The following JPH4 variants were observed in gnomAD, a reference collection of about 807,000 sequenced individuals.
JPH4 encodes the protein junctophilin-4.
In JPH4, 18 loss-of-function variants were observed where a neutral mutation model predicts 57.6. The ratio of observed to expected loss-of-function variants is 0.31; its 90% CI spans 0.22 to 0.46. The LOEUF is 0.46. Ranked by LOEUF, JPH4 falls within the 20% of genes least tolerant of loss-of-function variation. The pLI is 1.00. For synonymous variants in JPH4, 425 were observed against 406.6 expected, an observed-to-expected ratio of 1.05 and a Z score of -0.54; for missense variants, 727 against 911.1, an observed-to-expected ratio of 0.80 and a Z score of 2.60.
intron 3 of JPH4, among the ~76,000 whole-genome samples, chr14:23,572,232 T>C (rs1444621878): frequency 6.6e-6 from 1 of 152,104 alleles, no homozygotes; most frequent in African/African-American, 2.4e-5. Flanking sequence ...CTCCTGGAAC[T>C]GTGTAATTCC....
Position 23,576,478 on chromosome 14 carries a change from G to A in JPH4, c.380-22C>T, listed in dbSNP as rs1009300636. On this transcript the variant is annotated intron_variant, in intron 2 of 5. Transcript: ENST00000356300. The surrounding 1 kb of genome is among the most constrained non-coding windows in gnomAD (Gnocchi z 8.0). ...GTGCCTGCGGGCGGCGGAGGGGTGG[G>A]AGAAAGAGTCAGGACGTGCCGCTGG... 1.2e-5 allele frequency: 17 copies of A among 1,392,724 alleles called. No individual in the cohort carries two copies. Among genetic ancestry groups the A allele is most frequent in the Admixed American group, 3.3e-5 (1 of 30,520 alleles). The allele number at this position is 1,392,724 out of a possible 1,614,324, so 86.3% of individuals were successfully genotyped here. A position where few individuals can be genotyped will look rare whatever the true frequency, so the allele number is the denominator to read the frequency against.
Position 23,577,367 on chromosome 14 carries a change from C to T in JPH4, c.87G>A (p.Val29=). Residue 29 remains valine (V), a synonymous_variant, in exon 2 of 6, where the codon GTG becomes GTA. Transcript: ENST00000356300. This position sits in a 1 kb window ranked among gnomAD's most constrained non-coding sequence, Gnocchi z 8.4. ...WEAGRAHGYG[V]CTGPGAQGEY... The stretch of plus-strand genomic sequence containing the variant: ...CGCCCTGGGCGCCGGGGCCCGTGCA[C>T]ACGCCGTAGCCATGTGCCCGCCCCG... 2 of 1,515,966 alleles carry T rather than the reference C, an allele frequency of 1.3e-6. No individual in the cohort carries two copies. The highest frequency in any genetic ancestry group is 1.4e-5 in the African/African-American group (1 of 70,918). 93.9% of individuals were successfully genotyped at this position (1,515,966 alleles called of 1,614,324 possible). A position where few individuals can be genotyped will look rare whatever the true frequency, so the allele number is the denominator to read the frequency against.
intron 3 of JPH4, chr14:23,574,927 A>G (rs572537206): frequency 6.1e-5 from 11 of 181,770 alleles, no homozygotes; most frequent in Non-Finnish European, 1.1e-4. Context: ...GTGTGCCACA[A>G]TGTCTGGCTT....
rs1156637886 is a variant in JPH4 at position 23,575,789 on chromosome 14, C to G, written c.1047G>C (p.Leu349=). 6.3e-7 allele frequency: 1 copy of G among 1,595,460 alleles called. No individual in the cohort carries two copies. Among genetic ancestry groups the G allele is most frequent in the Non-Finnish European group, 8.5e-7 (1 of 1,172,648 alleles). ...CCTTAACCTTGCCCCGCCGAAGGGC[C>G]AGAGGCAGGAGACTGCGGACGCGCC... ...HGGRVRSLLP[L]ALRRGKVKEK... Residue 349 remains leucine (L), a synonymous_variant, in exon 3 of 6, where the codon CTG becomes CTC. Transcript: ENST00000356300. The surrounding 1 kb of genome is among the most constrained non-coding windows in gnomAD (Gnocchi z 6.9).
chr14:23,575,824 C>A lies in JPH4; in HGVS notation c.1012G>T (p.Val338Leu), dbSNP rs746444957. The change falls in exon 3 of 6, where the codon GTG (valine) becomes TTG (leucine). Residue 338 changes from valine to leucine, a missense_variant. This residue lies in a region of JPH4 where 112 missense variants were observed against 199.4 expected (regional missense o/e 0.56). Coordinates refer to ENST00000356300, the MANE Select transcript of JPH4 (RefSeq NM_001146028.2). The surrounding 1 kb of genome is among the most constrained non-coding windows in gnomAD (Gnocchi z 6.9). ...EEGKYKRNRLVHGGRVRSLLP... is the reference protein window; with the variant it reads ...EEGKYKRNRLLHGGRVRSLLP... ...AGACTGCGGACGCGCCCGCCGTGCA[C>A]CAGCCGGTTGCGCTTGTACTTGCCC... 3.8e-6 allele frequency: 6 copies of A among 1,586,676 alleles called. No homozygotes were observed. The highest frequency in any genetic ancestry group is 3.4e-6 in the Non-Finnish European group (4 of 1,168,552).
Position 23,571,107 on chromosome 14 carries a change from G to A in JPH4, c.1624C>T (p.Leu542Phe), listed in dbSNP as rs752454509. 7 of 1,613,970 alleles carry A rather than the reference G, an allele frequency of 4.3e-6. No homozygotes were observed. In the African/African-American group the frequency reaches 9.3e-5, roughly 22 times the overall value. Residue 542 changes from leucine to phenylalanine, a missense_variant, in exon 5 of 6, where the codon CTT becomes TTT. By Grantham distance (22) the Leu-to-Phe change is conservative. Around this residue, in one of 7 missense-constraint regions of JPH4, gnomAD observed 293 missense variants for 279.8 expected, o/e 1.05. Coordinates refer to ENST00000356300, the MANE Select transcript of JPH4 (RefSeq NM_001146028.2). This position sits in a 1 kb window ranked among gnomAD's most constrained non-coding sequence, Gnocchi z 4.6. ...TCATCCTCCCCCTCCTCCTCTCGAAGACTTCCTGAACTGTCGCTGCAGCCT... is the reference window on the plus strand; with the variant it reads ...TCATCCTCCCCCTCCTCCTCTCGAAAACTTCCTGAACTGTCGCTGCAGCCT... ...LGGCSDSSGS[L>F]REEEGEDEEP...
In JPH4 at chr14:23,576,935, G is replaced by A; in HGVS notation, c.379+140C>T. The stretch of plus-strand genomic sequence containing the variant: ...CATGGTGGGAGAGAGCAGAAATTGG[G>A]GGCTGGGGGTCACATCGATGGGGAA... On this transcript the variant is annotated intron_variant, in intron 2 of 5. Transcript: ENST00000356300. This position sits in a 1 kb window ranked among gnomAD's most constrained non-coding sequence, Gnocchi z 8.0. 5.9e-6 allele frequency: 6 copies of A among 1,016,214 alleles called. No individual in the cohort carries two copies. 62.9% of individuals were successfully genotyped at this position (1,016,214 alleles called of 1,614,324 possible).
Position 23,576,223 on chromosome 14 carries a change from C to G in JPH4, c.613G>C (p.Gly205Arg). ...GGAGTGCGCTTTCGGGACGACGCGC[C>G]GTCGGCGTCCCCGGGCCCGGCCAGC... ...FVLAGPGDAD[G>R]ASSRKRTPAA... Residue 205 changes from glycine to arginine, a missense_variant, in exon 3 of 6, where the codon GGC becomes CGC. Gly to Arg is a moderately radical substitution (Grantham distance 125). Transcript: ENST00000356300. The surrounding 1 kb of genome is among the most constrained non-coding windows in gnomAD (Gnocchi z 8.0). The G allele has an allele frequency of 7.9e-7, 1 of 1,272,944 alleles. No individual in the cohort carries two copies. Among genetic ancestry groups the G allele is most frequent in the Non-Finnish European group, 9.9e-7 (1 of 1,011,108 alleles). The allele number at this position is 1,272,944 out of a possible 1,614,324, so 78.9% of individuals were successfully genotyped here. A position where few individuals can be genotyped will look rare whatever the true frequency, so the allele number is the denominator to read the frequency against.
Position 23,577,151 on chromosome 14 carries a change from C to T in JPH4, c.303G>A (p.Val101=). ...AGAGCCCGGCGTAGCGCAGGCCGGA[C>T]ACGCTTTCCCACACGCCGCTGCGCC... ...LKGRSGVWES[V]SGLRYAGLWK... Residue 101 remains valine (V), a synonymous_variant, in exon 2 of 6, where the codon GTG becomes GTA. Transcript: ENST00000356300. The surrounding 1 kb of genome is among the most constrained non-coding windows in gnomAD (Gnocchi z 8.4). 6.5e-7 allele frequency: 1 copy of T among 1,538,816 alleles called. No individual in the cohort carries two copies. The highest frequency in any genetic ancestry group is 8.7e-7 in the Non-Finnish European group (1 of 1,148,968).
At position 23,571,038 on chromosome 14, in the gene JPH4, C is replaced by T. The variant is rs1230500998; in HGVS notation, c.1693G>A (p.Glu565Lys). The change falls in exon 5 of 6, where the codon GAG becomes AAG. Residue 565 changes from glutamate to lysine, a missense_variant. Transcript: ENST00000356300. The surrounding 1 kb of genome is among the most constrained non-coding windows in gnomAD (Gnocchi z 4.6). ...PLRAPAGTEPEPIAMLVLRGS... is the reference protein window; with the variant it reads ...PLRAPAGTEPKPIAMLVLRGS... ...CTCAGGACCAGCATGGCGATGGGCTCAGGCTCCGTGCCTGCTGGGGCCCTC... is the reference window on the plus strand; with the variant it reads ...CTCAGGACCAGCATGGCGATGGGCTTAGGCTCCGTGCCTGCTGGGGCCCTC... 2.5e-6 allele frequency: 4 copies of T among 1,603,642 alleles called. No homozygotes were observed. Among genetic ancestry groups the T allele is most frequent in the Non-Finnish European group, 3.4e-6 (4 of 1,174,578 alleles).
Position 23,575,626 on chromosome 14 carries a change from T to C in JPH4, c.1151+59A>G. 1 of 1,549,400 alleles carries C rather than the reference T, an allele frequency of 6.5e-7. No homozygotes were observed. The highest frequency in any genetic ancestry group is 1.4e-5 in the African/African-American group (1 of 73,348). Reference sequence around the variant, plus strand: ...CCTCCCTTAGGCACACCCGCCTTCCTGGTCCCCAGCGCACCCCCTCCTCTT... The same window carrying C: ...CCTCCCTTAGGCACACCCGCCTTCCCGGTCCCCAGCGCACCCCCTCCTCTT... On this transcript the variant is annotated intron_variant, in intron 3 of 5. Transcript: ENST00000356300. The surrounding 1 kb of genome is among the most constrained non-coding windows in gnomAD (Gnocchi z 6.9).
At position 23,571,021 on chromosome 14, in the gene JPH4, C is replaced by G. The variant is rs779934759; in HGVS notation, c.1710G>C (p.Leu570=). Residue 570 remains leucine, a synonymous_variant, in exon 5 of 6, where the codon CTG becomes CTC. Coordinates refer to ENST00000356300, the MANE Select transcript of JPH4 (RefSeq NM_001146028.2). The surrounding 1 kb of genome is among the most constrained non-coding windows in gnomAD (Gnocchi z 4.6). ...AGTEPEPIAM[L]VLRGSSSRGP... ...CCCTCGAGGACGAGCCCCTCAGGAC[C>G]AGCATGGCGATGGGCTCAGGCTCCG... is the stretch of plus-strand genomic sequence containing the variant. The G allele has an allele frequency of 3.8e-6, 6 of 1,588,688 alleles. No homozygotes were observed. The South Asian group carries it at 6.9e-5, about 18-fold the overall frequency.
In JPH4 at chr14:23,568,041, T is replaced by C. The variant is rs1888838240; in HGVS notation, c.*1593A>G. On this transcript the variant is annotated 3_prime_UTR_variant, in exon 6 of 6. Coordinates refer to ENST00000356300, the MANE Select transcript of JPH4 (RefSeq NM_001146028.2). ...AAGGAGATGACAATCCCCCCCCTTT[T>C]TTGAACTTTTTTATTAATATATTTT... 1 of 984,922 alleles carries C rather than the reference T, an allele frequency of 1.0e-6. No homozygotes were observed. Among genetic ancestry groups the C allele is most frequent in the Non-Finnish European group, 1.2e-6 (1 of 829,110 alleles). The allele number at this position is 984,922 out of a possible 1,614,324, so 61.0% of individuals were successfully genotyped here.
Position 23,575,951 on chromosome 14 carries a change from G to A in JPH4, c.885C>T (p.Gly295=), listed in dbSNP as rs1192680325. 2.6e-6 allele frequency: 4 copies of A among 1,543,702 alleles called. No homozygotes were observed. Among genetic ancestry groups the A allele is most frequent in the South Asian group, 1.2e-5 (1 of 82,244 alleles). Reference sequence around the variant, plus strand: ...GCAGCCCGTTGGAGCGCTGGCTGACGCCGAAGCCGCTGCGCCGATCTGCGC... The same window carrying A: ...GCAGCCCGTTGGAGCGCTGGCTGACACCGAAGCCGCTGCGCCGATCTGCGC... ...EWRADRRSGF[G]VSQRSNGLRY... is the part of the protein sequence containing the mutation. Residue 295 remains glycine, a synonymous_variant, in exon 3 of 6, where the codon GGC becomes GGT. Transcript: ENST00000356300. The surrounding 1 kb of genome is among the most constrained non-coding windows in gnomAD (Gnocchi z 6.9).
At chr14:23,570,367 CTTTTT>C (rs1173061430) in intron 5 of JPH4, among the ~76,000 whole-genome samples, 1 of 103,318 alleles carries the variant, frequency 9.7e-6, no homozygotes, top group African/African-American at 4.6e-5. Context: ...GGGCAAGTTA[CTTTTT>C]TTTTTTTTTT....
intron 3 of JPH4, among the ~76,000 whole-genome samples, chr14:23,572,234 T>C (rs1436616653): frequency 2.6e-5 from 4 of 152,092 alleles, no homozygotes; most frequent in Non-Finnish European, 5.9e-5. Flanking sequence ...CCTGGAACTG[T>C]GTAATTCCAT....
At position 23,577,544 on chromosome 14, in the gene JPH4, T is replaced by G; in HGVS notation, c.-91A>C. ...GGGGGCCTTGGAGCCGGGCGAGGCC[T>G]CGGGGCGGGGGCAGTTAGACCGGGG... On this transcript the variant is annotated 5_prime_UTR_variant, in exon 2 of 6. Coordinates refer to ENST00000356300, the MANE Select transcript of JPH4 (RefSeq NM_001146028.2). The surrounding 1 kb of genome is among the most constrained non-coding windows in gnomAD (Gnocchi z 8.4). 1 of 1,114,316 alleles carries G rather than the reference T, an allele frequency of 9.0e-7. No homozygotes were observed. The highest frequency in any genetic ancestry group is 1.2e-6 in the Non-Finnish European group (1 of 847,120). 69.0% of individuals were successfully genotyped at this position (1,114,316 alleles called of 1,614,324 possible). A position where few individuals can be genotyped will look rare whatever the true frequency, so the allele number is the denominator to read the frequency against.
intron 5 of JPH4, 150 bp downstream of exon 5, chr14:23,570,778 A>C: frequency 1.4e-6 from 1 of 728,274 alleles, no homozygotes; most frequent in Non-Finnish European, 2.0e-6. Flanking sequence ...AACGCCCTCT[A>C]TTTTTTTGAG....
Position 23,571,521 on chromosome 14 carries a change from G to A in JPH4, c.1271-61C>T. 1 of 1,552,828 alleles carries A rather than the reference G, an allele frequency of 6.4e-7. No homozygotes were observed. Among genetic ancestry groups the A allele is most frequent in the Non-Finnish European group, 8.7e-7 (1 of 1,154,278 alleles). On this transcript the variant is annotated intron_variant, in intron 4 of 5. Coordinates refer to ENST00000356300, the MANE Select transcript of JPH4 (RefSeq NM_001146028.2). The surrounding 1 kb of genome is among the most constrained non-coding windows in gnomAD (Gnocchi z 4.6). ...CTGGCCTTGGGCTGGAGTGGCTGCA[G>A]CTTTATTCCTGACTGGGCACTTCCC... is the stretch of plus-strand genomic sequence containing the variant.
Sources: gnomAD v4.1 joint callset for allele counts (sites outside exome capture counted in the v4.1 genomes callset) on GRCh38, gnomAD v4.1.1 for gene constraint, gnomAD v4.1.1 regional missense constraint, Gnocchi (gnomAD v3.1) non-coding constraint, MANE v1.5 for transcripts, NCBI Gene and HGNC (gene_info 2026-07-23, HGNC 2026-07-21) for gene names.